Variants in AMZ2 observed in about 807,000 individuals in gnomAD.
AMZ2 encodes archaemetzincin-2.
In AMZ2, 26 loss-of-function variants were observed where a neutral mutation model predicts 36.7. The ratio of observed to expected loss-of-function variants is 0.71; its 90% CI spans 0.52 to 0.98. The LOEUF (loss-of-function observed/expected upper bound fraction) is 0.98, where lower values mean the gene tolerates loss of function less well. Among genes scored for constraint, AMZ2 ranks in the 50% least tolerant of loss-of-function variants. The pLI is 0.00. For missense variants in AMZ2, 394 were observed against 430.5 expected (o/e 0.92, Z 0.75); for synonymous variants, 144 against 149.1 (o/e 0.97, Z 0.25).
rs149467198 is a variant in AMZ2 at position 68,250,251 on chromosome 17, C to T, written c.64C>T (p.Leu22Phe). 3 of 1,614,054 alleles carry T rather than the reference C, an allele frequency of 1.9e-6. No individual in the cohort carries two copies. The highest frequency in any genetic ancestry group is 1.7e-5 in the Admixed American group (1 of 60,000). The change falls in exon 2 of 7, where the codon CTT becomes TTT. Residue 22 changes from leucine (L) to phenylalanine (F), a missense_variant. Physicochemically the swap from Leu to Phe is conservative, Grantham distance 22. Coordinates refer to ENST00000359904, the MANE Select transcript of AMZ2 (RefSeq NM_016627.5). ...AGCTCTCATCTCAAAGAACCCAGTG[C>T]TTGTATCACAGTATGAGAAATTAAA... is the stretch of plus-strand genomic sequence containing the variant. ...KTALISKNPV[L>F]VSQYEKLNAG...
chr17:68,254,610 G>C, intron 5 of AMZ2, 43 bp downstream of exon 5: 1 of 1,507,722 alleles, frequency 6.6e-7, no homozygotes, highest in Non-Finnish European at 9.1e-7. Context: ...CTTTAAAAGA[G>C]ATCTTAGTTC....
At chr17:68,223,898 A>ATTTT (rs1555729196) in intron 1 of AMZ2, among the ~76,000 whole-genome samples, 10 of 111,608 alleles carry the variant, frequency 9.0e-5, no homozygotes, top group African/African-American at 3.1e-4. Context: ...ATATATATAT[A>ATTTT]TTTTTTTTTG....
Position 68,236,750 on chromosome 17 carries a change from A to G in AMZ2, c.-66-11890A>G, listed in dbSNP as rs114822508. On this transcript the variant is annotated intron_variant, in intron 1 of 7. Transcript: ENST00000674770. ...CCACATCCCAGCTAATTTTTTTTTT[A>G]TATATATTTTAGTAGAGACGGGTTT... Among the ~76,000 whole-genome samples, 976 of 150,536 alleles carry G rather than the reference A, an allele frequency of 6.5e-3. 10 individuals are homozygous for G. Among genetic ancestry groups the G allele is most frequent in the African/African-American group, 0.023 (935 of 41,040 alleles).
At chr17:68,226,097 G>A (rs2073509512) in intron 1 of AMZ2, among the ~76,000 whole-genome samples, 1 of 152,104 alleles carries the variant, frequency 6.6e-6, no homozygotes, top group South Asian at 2.1e-4. Context: ...GTAAGGAGGA[G>A]AACAAACCCT....
At position 68,226,936 on chromosome 17, in the gene AMZ2, A is replaced by G. The variant is rs7212169; in HGVS notation, c.-67+20698A>G. ...CCAGTTTGCTGCCCTGTGGCACAGC[A>G]GGGTTAGGAGGGAGGAGCACAAGCT... On this transcript the variant is annotated intron_variant, in intron 1 of 7. Coordinates refer to the AMZ2 transcript ENST00000674770. Among the ~76,000 whole-genome samples the G allele has an allele frequency of 3.3e-3, 491 of 148,436 alleles. 8 individuals are homozygous for G. The highest frequency in any genetic ancestry group is 0.012 in the African/African-American group (460 of 39,122).
chr17:68,246,340 T>C (rs3760271), upstream of AMZ2, among the ~76,000 whole-genome samples: 48,407 of 151,626 alleles, frequency 0.32, 7,939 homozygotes, highest in Admixed American at 0.43. Flanking sequence ...TGCACTCCAG[T>C]CTGGATGACA....
At chr17:68,209,781 C>T (rs188067050) in intron 1 of AMZ2, among the ~76,000 whole-genome samples, 6 of 148,894 alleles carry the variant, frequency 4.0e-5, no homozygotes, top group African/African-American at 1.5e-4. Context: ...CCACCATACC[C>T]GGCTAAGTTT....
At chr17:68,247,699 T>C, upstream of AMZ2, 2 of 985,456 alleles carry the variant, frequency 2.0e-6, no homozygotes, top group Middle Eastern at 1.0e-3. Flanking sequence ...GCGATGCCTC[T>C]CAAACCCGCG....
intron 4 of AMZ2, among the ~76,000 whole-genome samples, chr17:68,253,022 C>T (rs1312125258): frequency 1.3e-5 from 2 of 152,134 alleles, no homozygotes; most frequent in Non-Finnish European, 2.9e-5. Context: ...AATATCTTAA[C>T]ACAGTGGTCT....
intron 1 of AMZ2, among the ~76,000 whole-genome samples, chr17:68,228,244 T>C (rs148546949): frequency 0.015 from 2,263 of 152,082 alleles, 54 homozygotes; most frequent in African/African-American, 0.05. Flanking sequence ...CCTTTCCTGA[T>C]GCCACTCCAC....
intron 1 of AMZ2, among the ~76,000 whole-genome samples, chr17:68,212,542 A>G (rs1262116103): frequency 1.3e-5 from 2 of 152,182 alleles, no homozygotes; most frequent in African/African-American, 4.8e-5. Flanking sequence ...TCACAAAAAT[A>G]AATAATTTAA....
At chr17:68,222,281 C>T (rs1322073861) in intron 1 of AMZ2, among the ~76,000 whole-genome samples, 3 of 152,178 alleles carry the variant, frequency 2.0e-5, no homozygotes, top group Non-Finnish European at 1.5e-5. Context: ...CTAACTGCAG[C>T]TGGATCTACA....
At chr17:68,221,874 G>C (rs138104277) in intron 1 of AMZ2, among the ~76,000 whole-genome samples, 1 of 152,328 alleles carries the variant, frequency 6.6e-6, no homozygotes, top group East Asian at 1.9e-4. Context: ...CTGGATGACA[G>C]AGTGAGACTC....
intron 1 of AMZ2, among the ~76,000 whole-genome samples, chr17:68,232,376 G>A (rs56930304): frequency 6.6e-6 from 1 of 150,906 alleles, no homozygotes; most frequent in African/African-American, 2.4e-5. Flanking sequence ...TGCATCTCTA[G>A]TCCCAGCTAC....
intron 1 of AMZ2, among the ~76,000 whole-genome samples, chr17:68,224,030 C>T (rs1484170635): frequency 2.0e-5 from 3 of 151,084 alleles, no homozygotes; most frequent in African/African-American, 7.3e-5. Flanking sequence ...GCTGGGACTA[C>T]AGGCGCCCGC....
At chr17:68,246,974 CG>C (rs201448085), upstream of AMZ2, 2 of 148,602 alleles carry the variant, frequency 1.3e-5, no homozygotes, top group African/African-American at 2.5e-5. Flanking sequence ...GACCGGGGTG[CG>C]GGGGGGTGGA....
At chr17:68,246,240 T>C (rs536797251), upstream of AMZ2, among the ~76,000 whole-genome samples, 2 of 146,754 alleles carry the variant, frequency 1.4e-5, no homozygotes, top group South Asian at 4.4e-4. Context: ...TGGTGGTGTG[T>C]GCCTGTAGTC....
chr17:68,215,783 C>T (rs1267088522), intron 1 of AMZ2, among the ~76,000 whole-genome samples: 1 of 149,492 alleles, frequency 6.7e-6, no homozygotes, highest in Admixed American at 6.7e-5. Flanking sequence ...TTCTCCCATT[C>T]CTGTGCCTTC....
At chr17:68,211,848 A>ATATGTATATG in intron 1 of AMZ2, among the ~76,000 whole-genome samples, 1 of 146,314 alleles carries the variant, frequency 6.8e-6, no homozygotes, top group Non-Finnish European at 1.5e-5. Context: ...GTACATGTAT[A>ATATGTATATG]TATATGTATA....
Sources: gnomAD v4.1 joint callset for allele counts (sites outside exome capture counted in the v4.1 genomes callset) on GRCh38, gnomAD v4.1.1 for gene constraint, MANE v1.5 for transcripts, NCBI Gene and HGNC (gene_info 2026-07-23, HGNC 2026-07-21) for gene names.